The following SLC23A2 variants were observed in gnomAD, a reference collection of about 807,000 sequenced individuals.
The protein encoded by SLC23A2 is Na(+)/L-ascorbic acid transporter 2.
A neutral mutation model predicts 73.3 loss-of-function variants in SLC23A2; 36 were observed. That is an observed-to-expected ratio of 0.49 (90% CI 0.38 to 0.65). The LOEUF is 0.65. Among genes scored for constraint, SLC23A2 ranks in the 30% least tolerant of loss-of-function variants. SLC23A2 has a pLI of 0.00. For synonymous variants in SLC23A2, 343 were observed against 327.3 expected (o/e 1.05, Z -0.52); for missense variants, 507 against 841.6 (o/e 0.60, Z 4.92).
At chr20:4,933,787 A>G (rs1243276873) in intron 2 of SLC23A2, among the ~76,000 whole-genome samples, 1 of 152,194 alleles carries the variant, frequency 6.6e-6, no homozygotes, top group Non-Finnish European at 1.5e-5. Context: ...TGGTACTCCA[A>G]TTAGGGTGAC....
chr20:4,857,256 C>A lies in SLC23A2; in HGVS notation c.1721-52G>T. Reference sequence around the variant, plus strand: ...AGGAATGCTTCGTTTAGCAGCTCTACTGAAAATGAAACTGTCGTCAAACAC... The same window carrying A: ...AGGAATGCTTCGTTTAGCAGCTCTAATGAAAATGAAACTGTCGTCAAACAC... On this transcript the variant is annotated intron_variant, in intron 16 of 16. Transcript: ENST00000338244. The surrounding 1 kb of genome is among the most constrained non-coding windows in gnomAD (Gnocchi z 4.0). The A allele has an allele frequency of 1.0e-6, 1 of 986,576 alleles. No individual in the cohort carries two copies. The highest frequency in any genetic ancestry group is 2.1e-5 in the Admixed American group (1 of 47,274). 61.1% of individuals were successfully genotyped at this position (986,576 alleles called of 1,614,324 possible).
At chr20:4,858,693 A>G (rs1929834439) in intron 16 of SLC23A2, among the ~76,000 whole-genome samples, 1 of 152,124 alleles carries the variant, frequency 6.6e-6, no homozygotes, top group Non-Finnish European at 1.5e-5. Context: ...GGCAGGACCC[A>G]CATAACATCC....
intron 1 of SLC23A2, among the ~76,000 whole-genome samples, chr20:4,981,895 G>C (rs1343550489): frequency 6.6e-6 from 1 of 152,056 alleles, no homozygotes; most frequent in Non-Finnish European, 1.5e-5. Context: ...TGGAGACAGG[G>C]CTTCACCGTG....
At chr20:4,977,871 A>C (rs985240711) in intron 1 of SLC23A2, among the ~76,000 whole-genome samples, 2 of 152,060 alleles carry the variant, frequency 1.3e-5, no homozygotes, top group African/African-American at 2.4e-5. Context: ...CAAAATTCAT[A>C]AATATATATG....
At chr20:4,960,126 G>A (rs1478168729) in intron 2 of SLC23A2, among the ~76,000 whole-genome samples, 1 of 152,000 alleles carries the variant, frequency 6.6e-6, no homozygotes, top group East Asian at 1.9e-4. Flanking sequence ...GCCAAAACCT[G>A]GAAACAACAT....
intron 3 of SLC23A2, among the ~76,000 whole-genome samples, chr20:4,927,212 G>A (rs188032737): frequency 5.3e-5 from 8 of 152,168 alleles, no homozygotes; most frequent in African/African-American, 1.2e-4. Flanking sequence ...AAATGTAAAC[G>A]TCACATGTGA....
intron 3 of SLC23A2, among the ~76,000 whole-genome samples, chr20:4,930,033 C>T (rs979404791): frequency 6.6e-6 from 1 of 152,150 alleles, no homozygotes; most frequent in African/African-American, 2.4e-5. Flanking sequence ...CAAAAAATAA[C>T]AAGGAATGAG....
chr20:4,862,261 GC>G lies in SLC23A2; in HGVS notation c.1487-177del, dbSNP rs1929993886. On this transcript the variant is annotated intron_variant, in intron 14 of 16. Transcript: ENST00000338244. The surrounding 1 kb of genome is among the most constrained non-coding windows in gnomAD (Gnocchi z 5.1). The stretch of plus-strand genomic sequence containing the variant: ...AGACTGTAGCCACCCTGCGCTCTGA[GC>G]CAAATGACCCTCGGCGTACGCGCTA... Among the ~76,000 whole-genome samples the G allele has an allele frequency of 6.6e-6, 1 of 152,228 alleles. No individual in the cohort carries two copies. The highest frequency in any genetic ancestry group is 2.4e-5 in the African/African-American group (1 of 41,470).
chr20:4,861,101 G>A (rs1417525580), intron 15 of SLC23A2, among the ~76,000 whole-genome samples: 2 of 152,184 alleles, frequency 1.3e-5, no homozygotes, highest in South Asian at 2.1e-4. Context: ...TTGAAAACAT[G>A]CTAAGTGAAG....
At chr20:4,931,921 A>G (rs2122943154) in intron 3 of SLC23A2, among the ~76,000 whole-genome samples, 1 of 152,378 alleles carries the variant, frequency 6.6e-6, no homozygotes, top group South Asian at 2.1e-4. Flanking sequence ...AACTTTATAC[A>G]AATCAAGTCA....
intron 2 of SLC23A2, among the ~76,000 whole-genome samples, chr20:4,961,329 A>T (rs535741642): frequency 4.0e-5 from 6 of 151,832 alleles, no homozygotes; most frequent in African/African-American, 1.4e-4. Flanking sequence ...TGATCCGCCC[A>T]CCTTGGCCTC....
intron 3 of SLC23A2, among the ~76,000 whole-genome samples, chr20:4,923,052 T>C (rs1932549579): frequency 1.3e-5 from 2 of 152,098 alleles, no homozygotes; most frequent in South Asian, 2.1e-4. Flanking sequence ...TAAAAGTATA[T>C]TGCAATATGA....
intron 1 of SLC23A2, among the ~76,000 whole-genome samples, chr20:4,981,733 A>G (rs117554664): frequency 0.019 from 2,572 of 132,638 alleles, 64 homozygotes; most frequent in African/African-American, 0.063. Flanking sequence ...ATGGAATCTC[A>G]CTCTGTTGCC....
intron 2 of SLC23A2, among the ~76,000 whole-genome samples, chr20:4,960,942 T>A (rs1424982323): frequency 6.6e-6 from 1 of 152,140 alleles, no homozygotes; most frequent in Non-Finnish European, 1.5e-5. Flanking sequence ...CCAAAGACTA[T>A]CTATCTTTAA....
chr20:4,874,537 G>C (rs1462546295), intron 10 of SLC23A2, 39 bp downstream of exon 10: 1 of 1,564,318 alleles, frequency 6.4e-7, no homozygotes, highest in Non-Finnish European at 8.7e-7. Context: ...TATTAACCAA[G>C]GGCAAAAATG....
At chr20:4,910,753 T>A (rs1600124514) in intron 4 of SLC23A2, among the ~76,000 whole-genome samples, 1 of 152,180 alleles carries the variant, frequency 6.6e-6, no homozygotes, top group South Asian at 2.1e-4. Context: ...CACTATTTAA[T>A]ATGTAGCAGC....
At chr20:4,945,000 T>A (rs1425210800) in intron 2 of SLC23A2, among the ~76,000 whole-genome samples, 6 of 127,888 alleles carry the variant, frequency 4.7e-5, no homozygotes, top group African/African-American at 2.1e-4. Context: ...CTCTGAATTC[T>A]CAAAAAAAAA....
chr20:5,007,927 GAGAC>G (rs2088208723), intron 1 of SLC23A2, among the ~76,000 whole-genome samples: 1 of 123,536 alleles, frequency 8.1e-6, no homozygotes, highest in South Asian at 2.5e-4. Context: ...TTTTTTTTTT[GAGAC>G]AGAGTTTTGC....
intron 13 of SLC23A2, among the ~76,000 whole-genome samples, chr20:4,864,388 G>C (rs1930110268): frequency 6.6e-6 from 1 of 152,162 alleles, no homozygotes; most frequent in African/African-American, 2.4e-5. Flanking sequence ...AGCCTGATCT[G>C]AGGCTGTGCA....
Sources: gnomAD v4.1 joint callset for allele counts (sites outside exome capture counted in the v4.1 genomes callset) on GRCh38, gnomAD v4.1.1 for gene constraint, Gnocchi (gnomAD v3.1) non-coding constraint, MANE v1.5 for transcripts, NCBI Gene and HGNC (gene_info 2026-07-23, HGNC 2026-07-21) for gene names.